The following PTPRD variants were observed in gnomAD, a reference collection of about 807,000 sequenced individuals.
The protein encoded by PTPRD is receptor-type tyrosine-protein phosphatase delta.
In PTPRD, 34 loss-of-function variants were observed where a neutral mutation model predicts 214.5. That is an observed-to-expected ratio of 0.16 (90% CI 0.12 to 0.21). The LOEUF (loss-of-function observed/expected upper bound fraction) is 0.21. Among genes scored for constraint, PTPRD ranks in the 10% least tolerant of loss-of-function variants. The pLI, the probability that PTPRD is intolerant of heterozygous loss-of-function variation, is 1.00. For missense variants in PTPRD, 2,545 were observed against 2,398.7 expected (o/e 1.06, Z -1.27); for synonymous variants, 1,128 against 845.7 (o/e 1.33, Z -5.79).
intron 9 of PTPRD, among the ~76,000 whole-genome samples, chr9:9,249,841 A>C (rs985907046): frequency 2.0e-5 from 3 of 152,130 alleles, no homozygotes; most frequent in African/African-American, 7.2e-5. Context: ...ATGAAAAGAA[A>C]GGATTAAATA....
chr9:9,374,866 G>A (rs899027645), intron 9 of PTPRD, among the ~76,000 whole-genome samples: 1 of 152,084 alleles, frequency 6.6e-6, no homozygotes, highest in East Asian at 1.9e-4. Context: ...AATCATGAAA[G>A]AAATTATTGT....
At chr9:10,189,574 G>A (rs1437135411) in intron 3 of PTPRD, among the ~76,000 whole-genome samples, 1 of 152,146 alleles carries the variant, frequency 6.6e-6, no homozygotes, top group Non-Finnish European at 1.5e-5. Context: ...AAGGAAGTGT[G>A]CATGCGAGGA....
intron 8 of PTPRD, among the ~76,000 whole-genome samples, chr9:9,520,180 C>T (rs1287929350): frequency 2.7e-5 from 4 of 150,676 alleles, no homozygotes; most frequent in Non-Finnish European, 5.9e-5. Flanking sequence ...AAATGTAATG[C>T]TTTACATTTA....
chr9:9,250,115 T>C (rs778816196), intron 9 of PTPRD, among the ~76,000 whole-genome samples: 1 of 152,088 alleles, frequency 6.6e-6, no homozygotes, highest in Non-Finnish European at 1.5e-5. Flanking sequence ...GAGCACACCA[T>C]GAACAGTCGC....
intron 27 of PTPRD, among the ~76,000 whole-genome samples, chr9:8,489,358 C>G (rs937818517): frequency 6.6e-6 from 1 of 152,154 alleles, no homozygotes; most frequent in Non-Finnish European, 1.5e-5. Flanking sequence ...AGCATTAGCT[C>G]TGACCTACTG....
intron 9 of PTPRD, among the ~76,000 whole-genome samples, chr9:9,251,867 T>G (rs551991170): frequency 6.6e-6 from 1 of 152,254 alleles, no homozygotes; most frequent in Non-Finnish European, 1.5e-5. Context: ...CAGTCTTAAC[T>G]ACGCATTGGG....
In PTPRD at chr9:10,415,075, C is replaced by A. The variant is rs567813135; in HGVS notation, c.-599-74058G>T. On this transcript the variant is annotated intron_variant, in intron 2 of 45. Transcript: ENST00000381196. The stretch of plus-strand genomic sequence containing the variant: ...CCTACATAACAAACCTGCACATATA[C>A]CCTTCAACTTAAAATAAAAGTAAAA... Among the ~76,000 whole-genome samples, 9 of 151,534 alleles carry A rather than the reference C, an allele frequency of 5.9e-5. No individual in the cohort carries two copies. The Admixed American group carries it at 5.9e-4, about 10-fold the overall frequency.
At chr9:10,408,653 T>A (rs755302720) in intron 2 of PTPRD, among the ~76,000 whole-genome samples, 1 of 151,712 alleles carries the variant, frequency 6.6e-6, no homozygotes, top group Non-Finnish European at 1.5e-5. Context: ...ATAGGTCCCA[T>A]GAAGAAAAGT....
At chr9:8,779,400 G>C (rs1437479513) in intron 11 of PTPRD, among the ~76,000 whole-genome samples, 1 of 152,044 alleles carries the variant, frequency 6.6e-6, no homozygotes, top group Non-Finnish European at 1.5e-5. Flanking sequence ...ACATGTCATG[G>C]GCTGGGTGGG....
At chr9:8,347,622 A>G (rs1038813803) in intron 39 of PTPRD, among the ~76,000 whole-genome samples, 1 of 152,164 alleles carries the variant, frequency 6.6e-6, no homozygotes, top group Non-Finnish European at 1.5e-5. Context: ...CTCAAAATTC[A>G]TATGTTGAAA....
At chr9:8,594,050 T>C (rs1249565646) in intron 14 of PTPRD, among the ~76,000 whole-genome samples, 1 of 152,204 alleles carries the variant, frequency 6.6e-6, no homozygotes, top group Non-Finnish European at 1.5e-5. Flanking sequence ...AACTTCCTAA[T>C]AGTAGAAAAG....
intron 7 of PTPRD, among the ~76,000 whole-genome samples, chr9:9,584,927 A>G (rs2091658763): frequency 6.6e-6 from 1 of 151,948 alleles, no homozygotes; most frequent in African/African-American, 2.4e-5. Flanking sequence ...AAAAAATTCT[A>G]ATGATGCCCT....
intron 11 of PTPRD, among the ~76,000 whole-genome samples, chr9:8,892,541 G>A (rs2098548666): frequency 6.7e-6 from 1 of 149,660 alleles, no homozygotes; most frequent in African/African-American, 2.5e-5. Flanking sequence ...GTATATATAT[G>A]TGTGTATATA....
intron 10 of PTPRD, among the ~76,000 whole-genome samples, chr9:9,048,730 T>A (rs1332795039): frequency 6.6e-6 from 1 of 152,036 alleles, no homozygotes; most frequent in African/African-American, 2.4e-5. Context: ...GTAGAAAGAA[T>A]GAATAAGACC....
At chr9:9,872,936 T>A (rs1184354339) in intron 5 of PTPRD, among the ~76,000 whole-genome samples, 1 of 152,154 alleles carries the variant, frequency 6.6e-6, no homozygotes. Flanking sequence ...AAGTATGGGC[T>A]TGATAAACAT....
intron 2 of PTPRD, among the ~76,000 whole-genome samples, chr9:10,564,363 T>G (rs2065004685): frequency 6.6e-6 from 1 of 151,050 alleles, no homozygotes; most frequent in African/African-American, 2.4e-5. Context: ...GTGAACTATA[T>G]TTTCCCTGAT....
intron 7 of PTPRD, among the ~76,000 whole-genome samples, chr9:9,614,494 T>A (rs2094730326): frequency 6.6e-6 from 1 of 152,172 alleles, no homozygotes; most frequent in Admixed American, 6.5e-5. Context: ...ATTAAATGGA[T>A]CATTATTTAC....
chr9:10,371,242 C>T (rs1273486754), intron 2 of PTPRD, among the ~76,000 whole-genome samples: 1 of 151,906 alleles, frequency 6.6e-6, no homozygotes, highest in Non-Finnish European at 1.5e-5. Flanking sequence ...TACAGTCTCT[C>T]ATCCACACAT....
chr9:9,157,478 A>G (rs1392657201), intron 10 of PTPRD, among the ~76,000 whole-genome samples: 2 of 152,196 alleles, frequency 1.3e-5, no homozygotes, highest in African/African-American at 4.8e-5. Flanking sequence ...ATAAGAAACT[A>G]CTATGAACAA....
Sources: gnomAD v4.1 joint callset for allele counts (sites outside exome capture counted in the v4.1 genomes callset) on GRCh38, gnomAD v4.1.1 for gene constraint, MANE v1.5 for transcripts, NCBI Gene and HGNC (gene_info 2026-07-23, HGNC 2026-07-21) for gene names.